GRM3: variants seen among roughly 807,000 people sequenced by gnomAD.
GRM3 encodes metabotropic glutamate receptor 3.
Under a neutral mutation model 70.5 loss-of-function variants are expected in GRM3, and 26 were observed. The observed-to-expected ratio is 0.37, with a 90% CI of 0.27 to 0.51. The LOEUF is 0.51. Ranked by LOEUF, GRM3 falls within the 20% of genes least tolerant of loss-of-function variation. The pLI is 0.93. For synonymous variants in GRM3, 443 were observed against 434.9 expected (o/e 1.02, Z -0.23); for missense variants, 859 against 1,123.8 (o/e 0.76, Z 3.37).
chr7:86,854,412 A>G (rs1475071466), intron 5 of GRM3, among the ~76,000 whole-genome samples: 1 of 152,192 alleles, frequency 6.6e-6, no homozygotes, highest in Admixed American at 6.6e-5. Flanking sequence ...AGTAGCAGAC[A>G]TGAAAGAATG....
At chr7:86,710,848 G>A (rs1027726869) in intron 1 of GRM3, among the ~76,000 whole-genome samples, 5 of 151,900 alleles carry the variant, frequency 3.3e-5, no homozygotes, top group African/African-American at 9.7e-5. Context: ...TAAACCAAAA[G>A]GTAGATTGTT....
At chr7:86,855,056 G>A (rs953219404) in intron 5 of GRM3, among the ~76,000 whole-genome samples, 3 of 152,068 alleles carry the variant, frequency 2.0e-5, no homozygotes, top group African/African-American at 7.2e-5. Context: ...TCCTAAACTC[G>A]TACTTTTAAT....
intron 1 of GRM3, among the ~76,000 whole-genome samples, chr7:86,695,856 T>C (rs530549298): frequency 2.0e-5 from 3 of 152,266 alleles, no homozygotes; most frequent in South Asian, 4.1e-4. Flanking sequence ...TTTTTTAAGT[T>C]GTAGAAAAGC....
chr7:86,667,310 C>G (rs1018236198), intron 1 of GRM3, among the ~76,000 whole-genome samples: 5 of 151,970 alleles, frequency 3.3e-5, no homozygotes, highest in Non-Finnish European at 5.9e-5. Context: ...AAGGGAAATA[C>G]CTGTGGCTTA....
intron 3 of GRM3, among the ~76,000 whole-genome samples, chr7:86,813,898 A>T (rs1797963212): frequency 1.3e-5 from 2 of 151,804 alleles, no homozygotes; most frequent in African/African-American, 4.8e-5. Flanking sequence ...GCATGCAGAG[A>T]CAGGGTATAG....
intron 3 of GRM3, among the ~76,000 whole-genome samples, chr7:86,824,486 C>A (rs1798191616): frequency 6.6e-6 from 1 of 152,062 alleles, no homozygotes; most frequent in Non-Finnish European, 1.5e-5. Flanking sequence ...AGGGGGGTAA[C>A]ATATACAGTA....
At chr7:86,853,973 C>A (rs1463613409) in intron 5 of GRM3, among the ~76,000 whole-genome samples, 1 of 151,902 alleles carries the variant, frequency 6.6e-6, no homozygotes, top group Non-Finnish European at 1.5e-5. Context: ...TGAGCAAGTT[C>A]CATAAAAAAA....
intron 1 of GRM3, among the ~76,000 whole-genome samples, chr7:86,651,600 A>G (rs1793607423): frequency 1.3e-5 from 2 of 152,140 alleles, no homozygotes; most frequent in South Asian, 4.1e-4. Flanking sequence ...AAAAGCAGAG[A>G]CCCTCTACAT....
intron 1 of GRM3, among the ~76,000 whole-genome samples, chr7:86,697,300 A>T (rs1325120203): frequency 1.3e-5 from 2 of 152,100 alleles, no homozygotes; most frequent in Non-Finnish European, 2.9e-5. Context: ...AGCAAAAAAA[A>T]AAAAAGATAC....
At chr7:86,672,773 CT>C (rs1413727952) in intron 1 of GRM3, among the ~76,000 whole-genome samples, 2 of 152,148 alleles carry the variant, frequency 1.3e-5, no homozygotes, top group Non-Finnish European at 2.9e-5. Flanking sequence ...GTCCCCTAAA[CT>C]TTAGAAGACT....
intron 1 of GRM3, among the ~76,000 whole-genome samples, chr7:86,665,780 C>T (rs368131114): frequency 1.3e-5 from 2 of 151,890 alleles, no homozygotes; most frequent in East Asian, 3.9e-4. Flanking sequence ...CAGAAAATTT[C>T]CTGGCTTCTT....
At chr7:86,739,458 C>T (rs1795936267) in intron 1 of GRM3, among the ~76,000 whole-genome samples, 2 of 152,050 alleles carry the variant, frequency 1.3e-5, no homozygotes, top group African/African-American at 4.8e-5. Context: ...CTTTCTGTGC[C>T]TGATTGATAT....
chr7:86,825,762 G>T (rs1243206104), intron 3 of GRM3, among the ~76,000 whole-genome samples: 1 of 152,184 alleles, frequency 6.6e-6, no homozygotes, highest in Admixed American at 6.5e-5. Flanking sequence ...ACATGGGAAA[G>T]CTCGTTTTAT....
intron 1 of GRM3, among the ~76,000 whole-genome samples, chr7:86,715,272 T>C (rs150058403): frequency 6.6e-6 from 1 of 152,128 alleles, no homozygotes; most frequent in East Asian, 1.9e-4. Flanking sequence ...CATGCACATA[T>C]CAAAATATTC....
intron 1 of GRM3, among the ~76,000 whole-genome samples, chr7:86,706,806 A>G (rs1795070057): frequency 6.6e-6 from 1 of 152,104 alleles, no homozygotes; most frequent in South Asian, 2.1e-4. Flanking sequence ...AAAAATAGCA[A>G]TGTTAAAATA....
At chr7:86,851,373 A>G (rs965126594) in intron 5 of GRM3, among the ~76,000 whole-genome samples, 4 of 152,162 alleles carry the variant, frequency 2.6e-5, no homozygotes, top group South Asian at 2.1e-4. Context: ...TTAATTCTTT[A>G]GAGTTCTCTA....
intron 1 of GRM3, among the ~76,000 whole-genome samples, chr7:86,693,565 G>A (rs1313833739): frequency 1.3e-5 from 2 of 152,148 alleles, no homozygotes; most frequent in African/African-American, 4.8e-5. Flanking sequence ...AGGAAAAATG[G>A]CCAAATCGTA....
chr7:86,687,252 A>G (rs1011694363), intron 1 of GRM3, among the ~76,000 whole-genome samples: 1 of 151,992 alleles, frequency 6.6e-6, no homozygotes, highest in African/African-American at 2.4e-5. Context: ...TAGACATAAG[A>G]TCCAAAAAGC....
intron 2 of GRM3, among the ~76,000 whole-genome samples, chr7:86,783,582 A>G (rs927725165): frequency 2.6e-5 from 4 of 152,128 alleles, no homozygotes; most frequent in Non-Finnish European, 5.9e-5. Flanking sequence ...GAATAAACAC[A>G]TTTTTTAAAT....
Sources: gnomAD v4.1 joint callset for allele counts (sites outside exome capture counted in the v4.1 genomes callset) on GRCh38, gnomAD v4.1.1 for gene constraint, MANE v1.5 for transcripts, NCBI Gene and HGNC (gene_info 2026-07-23, HGNC 2026-07-21) for gene names.